The following DNA2 variants were observed in gnomAD, a reference collection of about 807,000 sequenced individuals.
The protein encoded by DNA2 is DNA replication ATP-dependent helicase/nuclease DNA2.
A neutral mutation model predicts 119.1 loss-of-function variants in DNA2; 101 were observed. The observed-to-expected ratio is 0.85, with a 90% CI of 0.72 to 1.00. DNA2 has a LOEUF of 1.00. Ranked by LOEUF, DNA2 falls within the 50% of genes least tolerant of loss-of-function variation. DNA2 has a pLI of 0.00. For missense variants in DNA2, 1,121 were observed against 1,255.5 expected (o/e 0.89, Z 1.62); for synonymous variants, 366 against 424.4 (o/e 0.86, Z 1.69).
At position 68,422,842 on chromosome 10, in the gene DNA2, G is replaced by A. The variant is rs761223121; in HGVS notation, c.2257C>T (p.Arg753Cys). ...CMGINHPIFS[R>C]KIFDFCIVDE... is the part of the protein sequence containing the mutation. Reference sequence around the variant, plus strand: ...ACAATACAAAAATCAAAAATTTTACGGGAAAATATTGGATGGTTTATTCCC... The same window carrying A: ...ACAATACAAAAATCAAAAATTTTACAGGAAAATATTGGATGGTTTATTCCC... The change falls in exon 15 of 21, where the codon CGT becomes TGT. Residue 753 changes from arginine to cysteine, a missense_variant. Transcript: ENST00000358410. The A allele has an allele frequency of 1.7e-5, 27 of 1,608,452 alleles. No homozygotes were observed. Among genetic ancestry groups the A allele is most frequent in the East Asian group, 6.7e-5 (3 of 44,860 alleles).
chr10:68,453,972 G>A (rs2052152291), intron 5 of DNA2, among the ~76,000 whole-genome samples: 1 of 152,014 alleles, frequency 6.6e-6, no homozygotes, highest in Non-Finnish European at 1.5e-5. Flanking sequence ...ATTCCTTGCA[G>A]GTCAAAGATG....
chr10:68,447,514 C>T (rs1488377188), intron 6 of DNA2, among the ~76,000 whole-genome samples: 4 of 104,248 alleles, frequency 3.8e-5, no homozygotes, highest in African/African-American at 2.0e-4. Flanking sequence ...GAGACTTCAC[C>T]TCAAAAAAAA....
chr10:68,464,829 CAAAAAAAAAAAA>C (rs71009067), intron 4 of DNA2, among the ~76,000 whole-genome samples: 4 of 40,666 alleles, frequency 9.8e-5, no homozygotes, highest in Admixed American at 4.5e-4. Flanking sequence ...AACTCCACCT[CAAAAAAAAAAAA>C]AAAAAAAAAA....
Position 68,416,806 on chromosome 10 carries a change from CTGGT to C in DNA2, c.3013_3016del (p.Thr1005GlufsTer6). 1 of 1,613,716 alleles carries C rather than the reference CTGGT, an allele frequency of 6.2e-7. No homozygotes were observed. The highest frequency in any genetic ancestry group is 1.3e-5 in the African/African-American group (1 of 75,042). The stretch of plus-strand genomic sequence containing the variant: ...CAGAAGAATCAGTTTATGTTTGGCT[CTGGT>C]TATAGCAACATTAAGACGTCGCCAA... On this transcript the variant is annotated frameshift_variant, in exon 20 of 21. Transcript: ENST00000358410. LOFTEE classifies it high-confidence loss of function.
intron 4 of DNA2, among the ~76,000 whole-genome samples, chr10:68,463,081 G>A (rs183084363): frequency 1.3e-5 from 2 of 151,704 alleles, no homozygotes; most frequent in African/African-American, 2.4e-5. Flanking sequence ...GCAATGAGCC[G>A]AGATCACGGT....
Position 68,443,088 on chromosome 10 carries a change from C to T in DNA2, c.1244G>A (p.Cys415Tyr), listed in dbSNP as rs1373701112. Residue 415 changes from cysteine to tyrosine, a missense_variant, in exon 9 of 21, where the codon TGT becomes TAT. Cys to Tyr is a radical substitution (Grantham distance 194). Transcript: ENST00000358410. ...YSRAVEQQMD[C>Y]SSVPIVMLPK... Reference sequence around the variant, plus strand: ...CAGCATCACAATTGGGACTGAACTACAATCCATCTGTTGTTCAACTGCTCT... The same window carrying T: ...CAGCATCACAATTGGGACTGAACTATAATCCATCTGTTGTTCAACTGCTCT... 1.9e-6 allele frequency: 3 copies of T among 1,574,568 alleles called. No individual in the cohort carries two copies. In the African/African-American group the frequency reaches 4.0e-5, roughly 21 times the overall value.
At chr10:68,428,499 T>C (rs1032211424) in intron 14 of DNA2, among the ~76,000 whole-genome samples, 1 of 152,174 alleles carries the variant, frequency 6.6e-6, no homozygotes, top group African/African-American at 2.4e-5. Context: ...TGAAGACTTA[T>C]GTTACGCAAA....
At chr10:68,471,034 G>A (rs1471695021) in intron 1 of DNA2, among the ~76,000 whole-genome samples, 1 of 152,134 alleles carries the variant, frequency 6.6e-6, no homozygotes, top group Admixed American at 6.5e-5. Context: ...AATCTCTCAA[G>A]AAAACAGCCC....
At position 68,419,888 on chromosome 10, in the gene DNA2, G is replaced by A. The variant is rs768323770; in HGVS notation, c.2702C>T (p.Pro901Leu). Residue 901 changes from proline to leucine, a missense_variant, in exon 18 of 21, where the codon CCA becomes CTA. Pro to Leu is a moderately conservative substitution (Grantham distance 98, BLOSUM62 -3). Transcript: ENST00000358410. Reference protein sequence around the residue: ...PVCFLNTDKVPAPEQVEKGGV... With the variant: ...PVCFLNTDKVLAPEQVEKGGV... ...ACCTTTTTCAACTTGTTCTGGCGCT[G>A]GAACCTAAGTGGAAAAATATACAGC... 1 of 1,613,466 alleles carries A rather than the reference G, an allele frequency of 6.2e-7. No homozygotes were observed. Among genetic ancestry groups the A allele is most frequent in the African/African-American group, 1.3e-5 (1 of 75,010 alleles).
rs1590042076 is a variant in DNA2 at position 68,414,123 on chromosome 10, A to T, written c.*916T>A. Reference sequence around the variant, plus strand: ...TTCAAGTAATAATTTAAAAAAACACATGAGGTAGAAATAAAAATTTTAACA... The same window carrying T: ...TTCAAGTAATAATTTAAAAAAACACTTGAGGTAGAAATAAAAATTTTAACA... On this transcript the variant is annotated 3_prime_UTR_variant, in exon 21 of 21. Transcript: ENST00000358410. 1 of 132,906 alleles carries T rather than the reference A, an allele frequency of 7.5e-6. No individual in the cohort carries two copies. The highest frequency in any genetic ancestry group is 2.6e-5 in the African/African-American group (1 of 37,814). 8.2% of individuals were successfully genotyped at this position (132,906 alleles called of 1,614,324 possible).
chr10:68,417,580 G>A (rs546311852), intron 19 of DNA2, among the ~76,000 whole-genome samples: 1 of 150,032 alleles, frequency 6.7e-6, no homozygotes, highest in African/African-American at 2.4e-5. Context: ...CTGAACCAGG[G>A]AGGTGGATAT....
In DNA2 at chr10:68,465,655, A is replaced by G. The variant is rs749925147; in HGVS notation, c.587+12T>C. The G allele has an allele frequency of 9.6e-6, 15 of 1,569,380 alleles. No individual in the cohort carries two copies. Among genetic ancestry groups the G allele is most frequent in the Admixed American group, 7.6e-5 (4 of 52,490 alleles). The stretch of plus-strand genomic sequence containing the variant: ...TAAAATTATACCTGCAGTTCTTCTT[A>G]TAACTACTTACATTTCCTTCAAATG... On this transcript the variant is annotated intron_variant, in intron 4 of 20. Transcript: ENST00000358410.
chr10:68,418,099 T>C (rs546306262), intron 19 of DNA2, among the ~76,000 whole-genome samples: 25 of 152,296 alleles, frequency 1.6e-4, no homozygotes, highest in African/African-American at 5.8e-4. Context: ...CACTCAACAC[T>C]AATTAAACTG....
intron 2 of DNA2, among the ~76,000 whole-genome samples, chr10:68,468,524 T>G (rs1476805744): frequency 6.6e-6 from 1 of 152,190 alleles, no homozygotes; most frequent in Non-Finnish European, 1.5e-5. Flanking sequence ...CAAACACATC[T>G]GAGAATACTC....
chr10:68,423,389 T>C (rs1344162436), intron 14 of DNA2, among the ~76,000 whole-genome samples: 2 of 152,234 alleles, frequency 1.3e-5, no homozygotes, highest in East Asian at 1.9e-4. Flanking sequence ...CCCTGGGCTT[T>C]CTTTTTGCCT....
intron 8 of DNA2, among the ~76,000 whole-genome samples, 169 bp downstream of exon 8, chr10:68,444,752 T>C (rs1590063239): frequency 6.7e-6 from 1 of 148,606 alleles, no homozygotes; most frequent in Admixed American, 6.7e-5. Context: ...AGAAAGAAAG[T>C]ACTGTGGTTT....
Position 68,465,692 on chromosome 10 carries a change from G to A in DNA2, c.562C>T (p.Gln188Ter), listed in dbSNP as rs2052318447. ...ATTTCCTTCAAATGTCTTATTTCTT[G>A]AATTGTTTGAAAAGCAAGTTCTTGT... ...KLQELAFQTI[Q>*]EIRHLKEMYR... The change falls in exon 4 of 21, where the codon CAA (glutamine) becomes TAA (stop). Residue 188 changes from glutamine (Q) to a stop codon, truncating the protein, a stop_gained. Coordinates refer to ENST00000358410, the MANE Select transcript of DNA2 (RefSeq NM_001080449.3). LOFTEE classifies it high-confidence loss of function. The A allele has an allele frequency of 1.3e-6, 2 of 1,596,114 alleles. No individual in the cohort carries two copies. The highest frequency in any genetic ancestry group is 1.4e-5 in the African/African-American group (1 of 73,874).
chr10:68,436,452 AT>A (rs2051889501), intron 10 of DNA2, among the ~76,000 whole-genome samples: 1 of 152,148 alleles, frequency 6.6e-6, no homozygotes, highest in African/African-American at 2.4e-5. Context: ...CGTAATAGGA[AT>A]GAGGTTTCCT....
chr10:68,467,458 T>C (rs2052340641), intron 3 of DNA2, among the ~76,000 whole-genome samples: 1 of 151,860 alleles, frequency 6.6e-6, no homozygotes. Flanking sequence ...TAAAACTGCA[T>C]GTTTCAAGAA....
Sources: allele counts gnomAD v4.1 joint callset (sites outside exome capture counted in the v4.1 genomes callset), GRCh38; gene constraint gnomAD v4.1.1; transcripts MANE v1.5; gene names NCBI Gene and HGNC (gene_info 2026-07-23, HGNC 2026-07-21).